The following DPP6 variants were observed in gnomAD, a reference collection of about 807,000 sequenced individuals.
The protein encoded by DPP6 is dipeptidyl peptidase like 6.
Under a neutral mutation model 122.6 loss-of-function variants are expected in DPP6, and 69 were observed. That is an observed-to-expected ratio of 0.56 (90% CI 0.46 to 0.69). The LOEUF is 0.69. DPP6 is among the 30% of genes least tolerant of loss of function. The pLI is 0.00. For synonymous variants in DPP6, 418 were observed against 433.1 expected (o/e 0.97, Z 0.43); for missense variants, 928 against 1,116.9 (o/e 0.83, Z 2.41).
intron 10 of DPP6, among the ~76,000 whole-genome samples, chr7:154,778,636 CCA>C (rs1381361478): frequency 6.6e-6 from 1 of 151,386 alleles, no homozygotes; most frequent in Non-Finnish European, 1.5e-5. Flanking sequence ...TCCACCACCA[CCA>C]CACCACCACC....
intron 1 of DPP6, among the ~76,000 whole-genome samples, chr7:154,423,584 A>G (rs2151234263): frequency 6.6e-6 from 1 of 152,348 alleles, no homozygotes; most frequent in Middle Eastern, 3.4e-3. Flanking sequence ...ATTCAGAGAA[A>G]TCTGACTCAA....
At chr7:154,619,236 G>A (rs117693040) in intron 5 of DPP6, among the ~76,000 whole-genome samples, 179 of 152,292 alleles carry the variant, frequency 1.2e-3, no homozygotes, top group Non-Finnish European at 2.2e-3. Flanking sequence ...GATTGGCACA[G>A]CATAGGCACT....
intron 6 of DPP6, among the ~76,000 whole-genome samples, chr7:154,664,109 A>G (rs1213526200): frequency 4.3e-5 from 6 of 139,856 alleles, no homozygotes; most frequent in African/African-American, 1.5e-4. Flanking sequence ...TAGTGTTCAT[A>G]TAGTCATGGT....
At chr7:154,345,065 A>G (rs1476067064) in intron 1 of DPP6, among the ~76,000 whole-genome samples, 1 of 152,196 alleles carries the variant, frequency 6.6e-6, no homozygotes, top group Non-Finnish European at 1.5e-5. Flanking sequence ...CCAAGATACC[A>G]TAGACTAGGT....
intron 1 of DPP6, among the ~76,000 whole-genome samples, chr7:154,062,104 G>A (rs1175353764): frequency 9.4e-6 from 1 of 106,582 alleles, no homozygotes; most frequent in East Asian, 2.6e-4. Flanking sequence ...GCAGAGGGGG[G>A]ACGCACCCCC....
chr7:154,350,559 A>G (rs1319948646), intron 1 of DPP6, among the ~76,000 whole-genome samples: 1 of 152,224 alleles, frequency 6.6e-6, no homozygotes, highest in African/African-American at 2.4e-5. Context: ...AGCGGTGTCC[A>G]CTAAAGACAT....
rs556600882 is a variant in DPP6, at chr7:154,876,480, G to A, written c.2078+380G>A. On this transcript the variant is annotated intron_variant, in intron 20 of 25. Transcript: ENST00000377770. ...GATCAGGAAGGAAGGACAGAAAAAG[G>A]GAAGGAATATGAATGGGGCTGGATC... 12 of 177,116 alleles carry A rather than the reference G, an allele frequency of 6.8e-5. No homozygotes were observed. The East Asian group carries it at 1.6e-3, about 24-fold the overall frequency. The allele number at this position is 177,116 out of a possible 1,614,324, so 11.0% of individuals were successfully genotyped here.
At chr7:154,337,623 C>A (rs955711523) in intron 1 of DPP6, among the ~76,000 whole-genome samples, 1 of 152,128 alleles carries the variant, frequency 6.6e-6, no homozygotes, top group African/African-American at 2.4e-5. Flanking sequence ...GCCTCCTTAC[C>A]CAGGCAGGCA....
intron 1 of DPP6, among the ~76,000 whole-genome samples, chr7:154,223,717 G>A (rs1040334452): frequency 5.4e-5 from 8 of 149,478 alleles, no homozygotes; most frequent in African/African-American, 2.0e-4. Context: ...CCTGCAGGGC[G>A]TGGTGTGCCA....
At chr7:154,064,804 G>A (rs186926447) in intron 1 of DPP6, among the ~76,000 whole-genome samples, 189 of 152,292 alleles carry the variant, frequency 1.2e-3, no homozygotes, top group African/African-American at 4.4e-3. Flanking sequence ...GTTTCTGGTT[G>A]ATCCAGCACT....
chr7:154,018,200 T>C (rs1313354086), intron 1 of DPP6, among the ~76,000 whole-genome samples: 1 of 151,796 alleles, frequency 6.6e-6, no homozygotes, highest in African/African-American at 2.4e-5. Flanking sequence ...GCTGTCCCCT[T>C]AGAGGTTGCT....
intron 1 of DPP6, among the ~76,000 whole-genome samples, chr7:153,963,663 A>G (rs753802192): frequency 6.6e-6 from 1 of 152,136 alleles, no homozygotes; most frequent in Non-Finnish European, 1.5e-5. Flanking sequence ...TTCGATTCTC[A>G]TAGGAGTGGG....
chr7:154,232,196 A>T (rs990952092), intron 1 of DPP6, among the ~76,000 whole-genome samples: 1 of 152,208 alleles, frequency 6.6e-6, no homozygotes, highest in Non-Finnish European at 1.5e-5. Flanking sequence ...GCTATCTAAC[A>T]GGCAGGCATG....
the DPP6 span, among the ~76,000 whole-genome samples, chr7:153,785,639 C>CTA: frequency 2.2e-4 from 33 of 152,144 alleles, no homozygotes; most frequent in African/African-American, 7.5e-4. Context: ...GAAATGGGTA[C>CTA]TATATATATA....
At chr7:154,791,188 G>A (rs1370849878) in intron 10 of DPP6, among the ~76,000 whole-genome samples, 1 of 152,116 alleles carries the variant, frequency 6.6e-6, no homozygotes, top group Admixed American at 6.5e-5. Flanking sequence ...GGAGGTACAG[G>A]TTGCAGTGAG....
intron 1 of DPP6, among the ~76,000 whole-genome samples, chr7:154,159,824 G>C (rs1796888085): frequency 6.6e-6 from 1 of 151,888 alleles, no homozygotes; most frequent in East Asian, 1.9e-4. Context: ...AAAAACATCA[G>C]ATGGCCAGTC....
chr7:154,889,706 T>G, intron 25 of DPP6, 176 bp downstream of exon 25: 1 of 944,386 alleles, frequency 1.1e-6, no homozygotes, highest in Non-Finnish European at 1.5e-6. Context: ...CGTTTTCTTA[T>G]AATTAATGAT....
Position 154,403,808 on chromosome 7 carries a change from C to T in DPP6, c.244-42406C>T, listed in dbSNP as rs140198772. 3.3e-3 allele frequency among the ~76,000 whole-genome samples: 506 copies of T among 152,322 alleles called. 11 individuals carry two copies. The highest frequency in any genetic ancestry group is 0.025 in the Admixed American group (387 of 15,300). The stretch of plus-strand genomic sequence containing the variant: ...TCTCAATACCTCGGGGTGTAAAGGA[C>T]AGCTCTTTATTTGGCTGTGAATATC... On this transcript the variant is annotated intron_variant, in intron 1 of 25. Coordinates refer to ENST00000377770, the MANE Select transcript of DPP6 (RefSeq NM_130797.4). The surrounding 1 kb of genome is among the most constrained non-coding windows in gnomAD (Gnocchi z 4.1).
intron 3 of DPP6, among the ~76,000 whole-genome samples, chr7:154,499,562 T>C (rs1320607864): frequency 6.6e-6 from 1 of 152,218 alleles, no homozygotes; most frequent in African/African-American, 2.4e-5. Flanking sequence ...TAAATATTTT[T>C]TAATGTTTTA....
Sources: allele counts gnomAD v4.1 joint callset (sites outside exome capture counted in the v4.1 genomes callset), GRCh38; gene constraint gnomAD v4.1.1; non-coding constraint Gnocchi (gnomAD v3.1); transcripts MANE v1.5; gene names NCBI Gene and HGNC (gene_info 2026-07-23, HGNC 2026-07-21).